ZNF510: variants seen among roughly 807,000 people sequenced by gnomAD.
ZNF510 encodes the protein zinc finger protein 510.
Under a neutral mutation model 18.1 loss-of-function variants are expected in ZNF510, and 15 were observed. That is an observed-to-expected ratio of 0.83 (90% CI 0.55 to 1.28). The LOEUF is 1.28. Among genes scored for constraint, ZNF510 ranks in the 50% most tolerant of loss-of-function variants. The probability of loss-of-function intolerance (pLI) is 0.00; values close to 1 mark genes in which losing one functional copy is unlikely to be tolerated. For missense variants in ZNF510, 724 were observed against 791.8 expected, an observed-to-expected ratio of 0.91 and a Z score of 1.03; for synonymous variants, 261 against 266.4, an observed-to-expected ratio of 0.98 and a Z score of 0.20.
chr9:96,763,692 G>A, intron 3 of ZNF510, 60 bp from the exon 4 acceptor site: 2 of 1,459,268 alleles, frequency 1.4e-6, no homozygotes, highest in Admixed American at 2.3e-5. Flanking sequence ...GTAGAAAATA[G>A]CCATGAAAAC....
rs1305694963 is a variant in ZNF510 at position 96,763,497 on chromosome 9, C to T, written c.256+9G>A. 1 of 1,599,600 alleles carries T rather than the reference C, an allele frequency of 6.3e-7. No individual in the cohort carries two copies. Among genetic ancestry groups the T allele is most frequent in the Non-Finnish European group, 8.5e-7 (1 of 1,175,062 alleles). On this transcript the variant is annotated intron_variant, in intron 4 of 5. Transcript: ENST00000223428. The stretch of plus-strand genomic sequence containing the variant: ...GAGTTACAAGGGTAAGTTATGTTTA[C>T]ATGCTTACCCACTGAGACGAGGTTG...
chr9:96,775,059 T>A (rs536403055), intron 2 of ZNF510, among the ~76,000 whole-genome samples: 2 of 141,490 alleles, frequency 1.4e-5, no homozygotes, highest in East Asian at 4.4e-4. Context: ...GTGTGTGTGT[T>A]TTTTTGTTTT....
In ZNF510 at chr9:96,776,117, G is replaced by C. The variant is rs749709223; in HGVS notation, c.-48C>G. On this transcript the variant is annotated 5_prime_UTR_variant, in exon 2 of 6. Transcript: ENST00000223428. Reference sequence around the variant, plus strand: ...GCAAGGGGATGAAGAAGTGCCGCTGGTTGGGCAAATCAAGACCTGCTCCTT... The same window carrying C: ...GCAAGGGGATGAAGAAGTGCCGCTGCTTGGGCAAATCAAGACCTGCTCCTT... 1.0e-5 allele frequency: 16 copies of C among 1,563,970 alleles called. No individual in the cohort carries two copies. The highest frequency in any genetic ancestry group is 1.4e-5 in the Non-Finnish European group (16 of 1,152,762).
rs568875693 is a variant in ZNF510, at chr9:96,763,213, C to G, written c.257G>C (p.Gly86Ala). The change falls in exon 5 of 6, where the codon GGG becomes GCG. Residue 86 changes from glycine (G) to alanine (A), a missense_variant and splice_region_variant. Gly to Ala is a moderately conservative substitution (Grantham distance 60, BLOSUM62 0). Transcript: ENST00000223428. ...LENYSNLVSV[G>A]YCCFKPEVIF... ...CACCTCTGGTTTGAAACAGCAGTAC[C>G]CTGTTAATAAAACACAATCGAGGAC... 1.2e-6 allele frequency: 2 copies of G among 1,613,690 alleles called. No homozygotes were observed. The highest frequency in any genetic ancestry group is 2.7e-5 in the African/African-American group (2 of 75,006).
chr9:96,772,365 G>A (rs879840311), intron 3 of ZNF510, among the ~76,000 whole-genome samples: 63 of 149,356 alleles, frequency 4.2e-4, no homozygotes, highest in Middle Eastern at 6.8e-3. Context: ...TGATACACAA[G>A]GAACTGCCAT....
rs142451729 is a variant in ZNF510, at chr9:96,755,885, T to C, written c.*2893A>G. Reference sequence around the variant, plus strand: ...AGCGTCAGATAAAGAGACCTTTATTTTGTACAGTACATGGTACTGTAAAAG... The same window carrying C: ...AGCGTCAGATAAAGAGACCTTTATTCTGTACAGTACATGGTACTGTAAAAG... On this transcript the variant is annotated 3_prime_UTR_variant, in exon 6 of 6. Transcript: ENST00000223428. 4.6e-5 allele frequency: 7 copies of C among 152,268 alleles called. No homozygotes were observed. Among genetic ancestry groups the C allele is most frequent in the Non-Finnish European group, 1.0e-4 (7 of 68,018 alleles). The allele number at this position is 152,268 out of a possible 1,614,324, so 9.4% of individuals were successfully genotyped here. A position where few individuals can be genotyped will look rare whatever the true frequency, so the allele number is the denominator to read the frequency against.
At chr9:96,764,554 T>C (rs1849426746) in intron 3 of ZNF510, among the ~76,000 whole-genome samples, 1 of 152,192 alleles carries the variant, frequency 6.6e-6, no homozygotes, top group Non-Finnish European at 1.5e-5. Context: ...AGAAGTTCCA[T>C]CAGAGACCTT....
In ZNF510 at chr9:96,759,032, A is replaced by G. The variant is rs963423757; in HGVS notation, c.1798T>C (p.Phe600Leu). ...TTCTTCCCACATTCATTACATTTAA[A>G]TGGTTTCTCCCCAGTGTGAATTCTT... ...HQRIHTGEKP[F>L]KCNECGKKFV... The change falls in exon 6 of 6, where the codon TTT (phenylalanine) becomes CTT (leucine). Residue 600 changes from phenylalanine to leucine, a missense_variant. Coordinates refer to ENST00000223428, the MANE Select transcript of ZNF510 (RefSeq NM_014930.3). The G allele has an allele frequency of 6.2e-7, 1 of 1,613,766 alleles. No homozygotes were observed.
rs1245848041 is a variant in ZNF510 at position 96,757,592 on chromosome 9, C to A, written c.*1186G>T. On this transcript the variant is annotated 3_prime_UTR_variant, in exon 6 of 6. Coordinates refer to ENST00000223428, the MANE Select transcript of ZNF510 (RefSeq NM_014930.3). ...AAATAGACTCAAACATGTGAAAGCT[C>A]AACAGAATACAGTAGTCCCTGCTTA... The A allele has an allele frequency of 6.6e-6, 1 of 152,158 alleles. No individual in the cohort carries two copies. The highest frequency in any genetic ancestry group is 1.5e-5 in the Non-Finnish European group (1 of 68,014). The allele number at this position is 152,158 out of a possible 1,614,324, so 9.4% of individuals were successfully genotyped here.
At position 96,763,200 on chromosome 9, in the gene ZNF510, G is replaced by C; in HGVS notation, c.270C>G (p.Phe90Leu). 1 of 1,614,008 alleles carries C rather than the reference G, an allele frequency of 6.2e-7. No homozygotes were observed. The highest frequency in any genetic ancestry group is 8.5e-7 in the Non-Finnish European group (1 of 1,179,928). ...SNLVSVGYCC[F>L]KPEVIFKLEQ... is the part of the protein sequence containing the mutation. ...CCAACTTGAAGATCACCTCTGGTTT[G>C]AAACAGCAGTACCCTGTTAATAAAA... Residue 90 changes from phenylalanine (F) to leucine (L), a missense_variant, in exon 5 of 6, where the codon TTC becomes TTG. By Grantham distance (22) the Phe-to-Leu change is conservative. Coordinates refer to ENST00000223428, the MANE Select transcript of ZNF510 (RefSeq NM_014930.3).
chr9:96,774,738 T>C, intron 3 of ZNF510, 50 bp downstream of exon 3: 1 of 1,516,470 alleles, frequency 6.6e-7, no homozygotes, highest in Non-Finnish European at 9.1e-7. Flanking sequence ...ATGTGGACCC[T>C]TAAACACCTA....
chr9:96,767,563 A>G (rs1241792886), intron 3 of ZNF510, among the ~76,000 whole-genome samples: 1 of 150,126 alleles, frequency 6.7e-6, no homozygotes, highest in East Asian at 1.9e-4. Flanking sequence ...CTAACCTTAC[A>G]AAATAAAAAA....
chr9:96,757,691 A>G lies in ZNF510; in HGVS notation c.*1087T>C, dbSNP rs990741818. The G allele has an allele frequency of 6.6e-6, 1 of 152,204 alleles. No homozygotes were observed. Among genetic ancestry groups the G allele is most frequent in the Non-Finnish European group, 1.5e-5 (1 of 68,036 alleles). The allele number at this position is 152,204 out of a possible 1,614,324, so 9.4% of individuals were successfully genotyped here. ...GGGTATACTGAACCCTGTATATACT[A>G]TATTTTTTTCCTACATATACACATG... On this transcript the variant is annotated 3_prime_UTR_variant, in exon 6 of 6. Transcript: ENST00000223428.
At position 96,758,733 on chromosome 9, in the gene ZNF510, C is replaced by A. The variant is rs760327355; in HGVS notation, c.*45G>T. 5.3e-6 allele frequency: 8 copies of A among 1,512,618 alleles called. No individual in the cohort carries two copies. In the Admixed American group the frequency reaches 1.6e-4, roughly 30 times the overall value. 93.7% of individuals were successfully genotyped at this position (1,512,618 alleles called of 1,614,324 possible). A position where few individuals can be genotyped will look rare whatever the true frequency, so the allele number is the denominator to read the frequency against. On this transcript the variant is annotated 3_prime_UTR_variant, in exon 6 of 6. Coordinates refer to ENST00000223428, the MANE Select transcript of ZNF510 (RefSeq NM_014930.3). Reference sequence around the variant, plus strand: ...TTGGTTTTTTGTGTATCTCTGATATCAAATGGGGTATTCCTTTTGTCAAAA... The same window carrying A: ...TTGGTTTTTTGTGTATCTCTGATATAAAATGGGGTATTCCTTTTGTCAAAA...
rs1397788907 is a variant in ZNF510, at chr9:96,759,744, G to A, written c.1086C>T (p.Asn362=). The A allele has an allele frequency of 6.2e-7, 1 of 1,613,982 alleles. No homozygotes were observed. Among genetic ancestry groups the A allele is most frequent in the Admixed American group, 1.7e-5 (1 of 60,008 alleles). ...TDPQTAVIEE[N]PLVSNDRTQT... ...GTGTTCTGTCATTACTTACCAATGG[G>A]TTCTCTTCTATGACAGCTGTTTGAG... Residue 362 remains asparagine, a synonymous_variant, in exon 6 of 6, where the codon AAC becomes AAT. Coordinates refer to ENST00000223428, the MANE Select transcript of ZNF510 (RefSeq NM_014930.3).
At chr9:96,769,758 A>G (rs1172361088) in intron 3 of ZNF510, among the ~76,000 whole-genome samples, 1 of 152,242 alleles carries the variant, frequency 6.6e-6, no homozygotes, top group Non-Finnish European at 1.5e-5. Context: ...AAATGGGCAA[A>G]GGACTTGGAT....
chr9:96,775,859 G>C, intron 2 of ZNF510, 141 bp downstream of exon 2: 1 of 1,000,736 alleles, frequency 1.0e-6, no homozygotes, highest in Admixed American at 3.1e-5. Flanking sequence ...GAAAATGGGG[G>C]CTCTATGAGG....
chr9:96,754,657 T>G lies in ZNF510; in HGVS notation c.*4121A>C, dbSNP rs950332504. Among the ~76,000 whole-genome samples, 1 of 152,188 alleles carries G rather than the reference T, an allele frequency of 6.6e-6. No individual in the cohort carries two copies. On this transcript the variant is annotated 3_prime_UTR_variant, in exon 6 of 6. Coordinates refer to ENST00000223428, the MANE Select transcript of ZNF510 (RefSeq NM_014930.3). ...AAGATTAAGAACAAGTTTTAAAAAT[T>G]TATAAAATACCCGTGAATAGGGAAC...
chr9:96,763,658 C>T (rs769385802), intron 3 of ZNF510, 26 bp from the exon 4 acceptor site: 7 of 1,566,158 alleles, frequency 4.5e-6, no homozygotes, highest in Non-Finnish European at 5.2e-6. Context: ...TCTATTCAAT[C>T]TGAAGGGTTC....
Sources: allele counts gnomAD v4.1 joint callset (sites outside exome capture counted in the v4.1 genomes callset), GRCh38; gene constraint gnomAD v4.1.1; transcripts MANE v1.5; gene names NCBI Gene and HGNC (gene_info 2026-07-23, HGNC 2026-07-21).